Variants in CALN1 observed in about 807,000 individuals in gnomAD.
CALN1 encodes the protein calcium-binding protein 8.
A neutral mutation model predicts 30.6 loss-of-function variants in CALN1; 17 were observed. The observed-to-expected ratio is 0.56, with a 90% CI of 0.38 to 0.83. CALN1 has a LOEUF of 0.83. Among genes scored for constraint, CALN1 ranks in the 40% least tolerant of loss-of-function variants. CALN1 has a pLI of 0.00. For missense variants in CALN1, 291 were observed against 354.9 expected, an observed-to-expected ratio of 0.82 and a Z score of 1.45; for synonymous variants, 156 against 131.4, an observed-to-expected ratio of 1.19 and a Z score of -1.28.
At chr7:71,830,193 G>A (rs150764623) in intron 5 of CALN1, among the ~76,000 whole-genome samples, 427 of 151,024 alleles carry the variant, frequency 2.8e-3, no homozygotes, top group African/African-American at 9.8e-3. Flanking sequence ...ACAGCCATGC[G>A]CCACCACGGC....
the CALN1 span, among the ~76,000 whole-genome samples, chr7:72,472,952 T>C: frequency 3.3e-5 from 5 of 152,234 alleles, no homozygotes; most frequent in African/African-American, 1.2e-4. Flanking sequence ...GGGAGGCAGA[T>C]AAGCTGCTGC....
intron 5 of CALN1, among the ~76,000 whole-genome samples, chr7:71,823,221 G>A (rs1788695421): frequency 1.3e-5 from 2 of 151,462 alleles, no homozygotes; most frequent in African/African-American, 4.8e-5. Context: ...CTCACTCTGT[G>A]GCCCAGGCTG....
intron 5 of CALN1, among the ~76,000 whole-genome samples, chr7:72,015,631 A>G (rs1800335033): frequency 6.6e-6 from 1 of 151,994 alleles, no homozygotes; most frequent in Admixed American, 6.6e-5. Context: ...ATTTCTAGAG[A>G]TGGGGTTTTG....
rs548948266 is a variant in CALN1, at chr7:71,914,907, C to G, written c.502-104415G>C. ...TTTTTATTATGCATCCAACAAAAGTCTAATATCCAGTATATATAAGGAACT... is the reference window on the plus strand; with the variant it reads ...TTTTTATTATGCATCCAACAAAAGTGTAATATCCAGTATATATAAGGAACT... On this transcript the variant is annotated intron_variant, in intron 5 of 6. Coordinates refer to ENST00000395275, the MANE Select transcript of CALN1 (RefSeq NM_031468.4). 1.1e-4 allele frequency among the ~76,000 whole-genome samples: 17 copies of G among 152,106 alleles called. No individual in the cohort carries two copies. In the East Asian group the frequency reaches 3.1e-3, roughly 28 times the overall value.
At chr7:71,871,044 C>T (rs1451722958) in intron 5 of CALN1, among the ~76,000 whole-genome samples, 1 of 148,200 alleles carries the variant, frequency 6.7e-6, no homozygotes, top group Non-Finnish European at 1.5e-5. Flanking sequence ...AATGATTAAG[C>T]AAAAAAAAGA....
At chr7:72,300,208 T>TG (rs1224784701) in intron 2 of CALN1, among the ~76,000 whole-genome samples, 1 of 152,012 alleles carries the variant, frequency 6.6e-6, no homozygotes, top group African/African-American at 2.4e-5. Flanking sequence ...AACATACTGG[T>TG]GAGAATGTAA....
intron 5 of CALN1, among the ~76,000 whole-genome samples, chr7:71,846,673 G>T (rs540572864): frequency 6.7e-6 from 1 of 150,286 alleles, no homozygotes; most frequent in Non-Finnish European, 1.5e-5. Flanking sequence ...ATTCTGTGGG[G>T]TTTTATTTAT....
chr7:71,943,953 AT>A (rs1305148914), intron 5 of CALN1, among the ~76,000 whole-genome samples: 1 of 152,194 alleles, frequency 6.6e-6, no homozygotes, highest in Non-Finnish European at 1.5e-5. Flanking sequence ...TCATGGGCTT[AT>A]GGTAAGGGTG....
At chr7:72,322,274 G>A (rs796533660) in intron 2 of CALN1, among the ~76,000 whole-genome samples, 15 of 152,254 alleles carry the variant, frequency 9.9e-5, no homozygotes, top group African/African-American at 3.4e-4. Flanking sequence ...CTTCCTATGA[G>A]AATCTAACAC....
At chr7:72,364,064 TA>T (rs140134497) in intron 2 of CALN1, among the ~76,000 whole-genome samples, 65 of 148,794 alleles carry the variant, frequency 4.4e-4, no homozygotes, top group African/African-American at 8.8e-4. Context: ...AAAATTGCAG[TA>T]AAAAAAAAAA....
intron 2 of CALN1, among the ~76,000 whole-genome samples, chr7:72,285,005 C>A (rs950821495): frequency 6.6e-6 from 1 of 151,934 alleles, no homozygotes; most frequent in Non-Finnish European, 1.5e-5. Context: ...TGAGCAAAGC[C>A]CTGTGTGTTC....
intron 1 of CALN1, among the ~76,000 whole-genome samples, chr7:72,432,543 C>T (rs1808010003): frequency 6.6e-6 from 1 of 152,156 alleles, no homozygotes; most frequent in Non-Finnish European, 1.5e-5. Flanking sequence ...AAAGAAAGCT[C>T]AGGGCCACCC....
intron 5 of CALN1, among the ~76,000 whole-genome samples, chr7:71,971,579 ATAT>A (rs1310266927): frequency 2.0e-5 from 3 of 152,146 alleles, no homozygotes; most frequent in Middle Eastern, 3.2e-3. Context: ...AAGCAAGGTC[ATAT>A]TATTATTCTC....
intron 2 of CALN1, among the ~76,000 whole-genome samples, chr7:72,302,786 T>A (rs927670409): frequency 4.9e-5 from 7 of 144,136 alleles, no homozygotes; most frequent in African/African-American, 1.8e-4. Context: ...TCCCAGCTAC[T>A]AGGGAGACTG....
intron 3 of CALN1, among the ~76,000 whole-genome samples, chr7:72,209,810 G>A (rs1328197506): frequency 1.3e-5 from 2 of 152,018 alleles, no homozygotes; most frequent in African/African-American, 2.4e-5. Context: ...TTTGTCTCTG[G>A]ATTCTCTCTC....
In CALN1 at chr7:72,054,532, CATATATATATACATATAT is replaced by C. The variant is rs1803113795; in HGVS notation, c.389-30781_389-30764del. The stretch of plus-strand genomic sequence containing the variant: ...ATACATATATATACATATATACATA[CATATATATATACATATAT>C]ATATATATATAATGGAATACTATGC... On this transcript the variant is annotated intron_variant, in intron 4 of 6. Transcript: ENST00000395275. 4.5e-5 allele frequency among the ~76,000 whole-genome samples: 4 copies of C among 88,326 alleles called. 1 individual carries two copies. The South Asian group carries it at 2.0e-3, about 43-fold the overall frequency. 57.9% of individuals were successfully genotyped at this position (88,326 alleles called of 152,430 possible).
chr7:71,885,684 A>C (rs1792859581), intron 5 of CALN1, among the ~76,000 whole-genome samples: 1 of 152,252 alleles, frequency 6.6e-6, no homozygotes, highest in Non-Finnish European at 1.5e-5. Flanking sequence ...CAGAATGAGC[A>C]AACAGAATTG....
At chr7:71,977,468 G>C (rs766008435) in intron 5 of CALN1, among the ~76,000 whole-genome samples, 35 of 152,210 alleles carry the variant, frequency 2.3e-4, no homozygotes, top group Admixed American at 5.2e-4. Context: ...AAATGAAAAC[G>C]TGAGTTTGAT....
intron 5 of CALN1, among the ~76,000 whole-genome samples, chr7:71,821,771 C>A (rs982208760): frequency 6.7e-6 from 1 of 150,148 alleles, no homozygotes; most frequent in Non-Finnish European, 1.5e-5. Flanking sequence ...GGTGTGAATT[C>A]TGCTAAATGT....
Sources: allele counts gnomAD v4.1 joint callset (sites outside exome capture counted in the v4.1 genomes callset), GRCh38; gene constraint gnomAD v4.1.1; transcripts MANE v1.5; gene names NCBI Gene and HGNC (gene_info 2026-07-23, HGNC 2026-07-21).